The following NAF1 variants were observed in gnomAD, a reference collection of about 807,000 sequenced individuals.
NAF1 encodes the protein nuclear assembly factor 1 ribonucleoprotein.
In NAF1, 11 loss-of-function variants were observed where a neutral mutation model predicts 40.6. The ratio of observed to expected loss-of-function variants is 0.27; its 90% confidence interval spans 0.17 to 0.45. NAF1 has a LOEUF of 0.45. NAF1 is among the 20% of genes least tolerant of loss of function. The pLI is 1.00. For missense variants in NAF1, 607 were observed against 611.1 expected (o/e 0.99, Z 0.07); for synonymous variants, 260 against 228.5 (o/e 1.14, Z -1.24).
intron 2 of NAF1, among the ~76,000 whole-genome samples, chr4:163,160,655 G>A (rs1242377996): frequency 6.6e-6 from 1 of 152,158 alleles, no homozygotes; most frequent in African/African-American, 2.4e-5. Context: ...ATAGGAAACT[G>A]CTAGAAAACT....
At position 163,162,690 on chromosome 4, in the gene NAF1, T is replaced by C. The variant is rs1393905742; in HGVS notation, c.540+1527A>G. ...GGTCTTGTTTACAGCACCTGGCAAA[T>C]GGCAGGTGTGCTATAATAATTTCTT... is the stretch of plus-strand genomic sequence containing the variant. On this transcript the variant is annotated intron_variant, in intron 2 of 7. Transcript: ENST00000274054. Among the ~76,000 whole-genome samples the C allele has an allele frequency of 2.0e-5, 3 of 152,214 alleles. No individual in the cohort carries two copies. In the East Asian group the frequency reaches 5.8e-4, roughly 29 times the overall value.
intron 2 of NAF1, among the ~76,000 whole-genome samples, chr4:163,113,371 TG>T (rs968460502): frequency 2.0e-3 from 306 of 149,508 alleles, no homozygotes; most frequent in African/African-American, 7.3e-3. Flanking sequence ...GGTAATCCCT[TG>T]TTTTTATTTT....
intron 2 of NAF1, among the ~76,000 whole-genome samples, chr4:163,111,027 T>A (rs947305194): frequency 7.9e-5 from 12 of 152,202 alleles, no homozygotes; most frequent in African/African-American, 2.9e-4. Flanking sequence ...TTTTGAAGGT[T>A]CCTCAGAAAA....
At chr4:163,107,003 T>C (rs1167113573), downstream of NAF1, among the ~76,000 whole-genome samples, 1 of 152,176 alleles carries the variant, frequency 6.6e-6, no homozygotes, top group East Asian at 1.9e-4. Context: ...TTTTTTTTTT[T>C]TGAGATGGAG....
At chr4:163,166,278 C>G in intron 1 of NAF1, 85 bp downstream of exon 1, 3 of 1,475,196 alleles carry the variant, frequency 2.0e-6, no homozygotes. Flanking sequence ...CCCACACAAG[C>G]AACCTCTAGG....
chr4:163,149,785 CTG>C (rs1731622866), intron 2 of NAF1, among the ~76,000 whole-genome samples: 1 of 152,114 alleles, frequency 6.6e-6, no homozygotes, highest in Admixed American at 6.5e-5. Context: ...TTAGAACAAA[CTG>C]TGACATTAAA....
At chr4:163,126,938 C>T, downstream of NAF1, 1 of 1,528,920 alleles carries the variant, frequency 6.5e-7, no homozygotes. Flanking sequence ...GTAAAGTATT[C>T]TCCAATTGAG....
At chr4:163,107,187 G>A (rs932865718), downstream of NAF1, among the ~76,000 whole-genome samples, 2 of 152,136 alleles carry the variant, frequency 1.3e-5, no homozygotes, top group East Asian at 3.9e-4. Flanking sequence ...GGGTTTCACC[G>A]TGTTGGCCAG....
rs182003034 is a variant in NAF1 at position 163,147,236 on chromosome 4, T to C, written c.634+1105A>G. Among the ~76,000 whole-genome samples, 10 of 152,290 alleles carry C rather than the reference T, an allele frequency of 6.6e-5. No homozygotes were observed. The East Asian group carries it at 1.7e-3, about 26-fold the overall frequency. On this transcript the variant is annotated intron_variant, in intron 3 of 7. Coordinates refer to ENST00000274054, the MANE Select transcript of NAF1 (RefSeq NM_138386.3). ...GTGTTAATTTTTAAAAATATCAATATAGACACTGTTAGAAAAAAGTCAAAA... is the reference window on the plus strand; with the variant it reads ...GTGTTAATTTTTAAAAATATCAATACAGACACTGTTAGAAAAAAGTCAAAA...
Position 163,166,828 on chromosome 4 carries a change from C to T in NAF1, c.-101G>A. The T allele has an allele frequency of 6.8e-7, 1 of 1,477,526 alleles. No individual in the cohort carries two copies. Among genetic ancestry groups the T allele is most frequent in the East Asian group, 2.4e-5 (1 of 41,752 alleles). The allele number at this position is 1,477,526 out of a possible 1,614,324, so 91.5% of individuals were successfully genotyped here. On this transcript the variant is annotated 5_prime_UTR_variant, in exon 1 of 8. Coordinates refer to ENST00000274054, the MANE Select transcript of NAF1 (RefSeq NM_138386.3). ...AAAACAACTTAGGCAACCGCAGCAA[C>T]ACTGCCTGGGCCCAACTTCCCGCGT...
chr4:163,159,920 T>C (rs1285097480), intron 2 of NAF1, among the ~76,000 whole-genome samples: 1 of 152,184 alleles, frequency 6.6e-6, no homozygotes, highest in Non-Finnish European at 1.5e-5. Flanking sequence ...CAGAAAACAA[T>C]GGGCACTAAT....
intron 3 of NAF1, among the ~76,000 whole-genome samples, chr4:163,147,876 A>G (rs1227460956): frequency 6.6e-6 from 1 of 152,188 alleles, no homozygotes; most frequent in Non-Finnish European, 1.5e-5. Context: ...AGGATGAAGA[A>G]AGAGAGCCAA....
At chr4:163,140,723 A>C (rs1280074932) in intron 4 of NAF1, among the ~76,000 whole-genome samples, 1 of 152,200 alleles carries the variant, frequency 6.6e-6, no homozygotes, top group Non-Finnish European at 1.5e-5. Context: ...TGTAAAGTAC[A>C]CAGAAAAGGA....
At chr4:163,161,299 C>T (rs1162666605) in intron 2 of NAF1, among the ~76,000 whole-genome samples, 1 of 152,054 alleles carries the variant, frequency 6.6e-6, no homozygotes, top group Non-Finnish European at 1.5e-5. Context: ...ATGGCAAAAC[C>T]CTGTCTCTAC....
chr4:163,108,748 C>A (rs1730089197), downstream of NAF1: 2 of 152,060 alleles, frequency 1.3e-5, no homozygotes, highest in African/African-American at 4.8e-5. Flanking sequence ...GGCAAAAATA[C>A]ACTCTCTAAT....
chr4:163,166,879 G>T lies in NAF1; in HGVS notation c.-152C>A. ...TTCTCAGGTAACTACACGCGGAGGA[G>T]CCAAAAGACACGCCCCCGCCATTTA... On this transcript the variant is annotated 5_prime_UTR_variant, in exon 1 of 8. Transcript: ENST00000274054. 1 of 1,040,994 alleles carries T rather than the reference G, an allele frequency of 9.6e-7. No individual in the cohort carries two copies. Among genetic ancestry groups the T allele is most frequent in the Non-Finnish European group, 1.3e-6 (1 of 741,408 alleles). The allele number at this position is 1,040,994 out of a possible 1,614,324, so 64.5% of individuals were successfully genotyped here. A position where few individuals can be genotyped will look rare whatever the true frequency, so the allele number is the denominator to read the frequency against.
At chr4:163,130,820 G>T (rs1730841939) in intron 7 of NAF1, among the ~76,000 whole-genome samples, 1 of 152,198 alleles carries the variant, frequency 6.6e-6, no homozygotes, top group Non-Finnish European at 1.5e-5. Flanking sequence ...AATGTAAAAT[G>T]CAGAATTACA....
intron 2 of NAF1, among the ~76,000 whole-genome samples, chr4:163,115,977 A>G (rs1180571430): frequency 1.3e-5 from 2 of 152,244 alleles, no homozygotes; most frequent in Non-Finnish European, 2.9e-5. Flanking sequence ...TAATATCATC[A>G]TGACACTAAA....
chr4:163,159,211 C>T (rs1438890861), intron 2 of NAF1, among the ~76,000 whole-genome samples: 4 of 151,940 alleles, frequency 2.6e-5, no homozygotes, highest in South Asian at 2.1e-4. Flanking sequence ...CTCATGTAAG[C>T]TTTATTGAAA....
Sources: gnomAD v4.1 joint callset for allele counts (sites outside exome capture counted in the v4.1 genomes callset) on GRCh38, gnomAD v4.1.1 for gene constraint, MANE v1.5 for transcripts, NCBI Gene and HGNC (gene_info 2026-07-23, HGNC 2026-07-21) for gene names.